The following PLAA variants were observed in gnomAD, a reference collection of about 807,000 sequenced individuals.
PLAA encodes the protein phospholipase A2 activating protein, also known as phospholipase A-2-activating protein.
PLAA carries 48 observed loss-of-function variants against 84.1 expected under a neutral mutation model. The ratio of observed to expected loss-of-function variants is 0.57; its 90% confidence interval spans 0.45 to 0.73. The LOEUF is 0.73. PLAA is among the 30% of genes least tolerant of loss of function. The pLI is 0.00. For missense variants in PLAA, 903 were observed against 954.7 expected (o/e 0.95, Z 0.71); for synonymous variants, 392 against 336.6 (o/e 1.16, Z -1.80).
In PLAA at chr9:26,926,417, T is replaced by C. The variant is rs748617566; in HGVS notation, c.709A>G (p.Ile237Val). The C allele has an allele frequency of 2.0e-5, 32 of 1,607,068 alleles. No individual in the cohort carries two copies. Among genetic ancestry groups the C allele is most frequent in the East Asian group, 1.3e-4 (6 of 44,768 alleles). Residue 237 changes from isoleucine to valine, a missense_variant, in exon 5 of 14, where the codon ATA (isoleucine) becomes GTA (valine). Transcript: ENST00000397292. ...CCTCTACAATTTGGAAAAACGGATA[T>C]GCTATAAATATAATTTGTATGTCCA... ...YYGHTNYIYS[I>V]SVFPNCRDFV...
intron 9 of PLAA, 38 bp from the exon 10 acceptor site, chr9:26,917,203 A>G: frequency 6.4e-7 from 1 of 1,561,832 alleles, no homozygotes. Flanking sequence ...GAAGTGCACC[A>G]AAGTTCTGAA....
chr9:26,935,265 A>T (rs1256010755), intron 1 of PLAA, 59 bp from the exon 2 acceptor site: 1 of 1,098,528 alleles, frequency 9.1e-7, no homozygotes, highest in Non-Finnish European at 1.3e-6. Flanking sequence ...CCTAGGACAT[A>T]AACTGTCAAA....
At chr9:26,927,295 G>A (rs776035792) in intron 4 of PLAA, among the ~76,000 whole-genome samples, 43 of 151,414 alleles carry the variant, frequency 2.8e-4, no homozygotes, top group Admixed American at 5.9e-4. Flanking sequence ...GAATTTTTTT[G>A]TATTTCTAAT....
In PLAA at chr9:26,905,962, A is replaced by C; in HGVS notation, c.1937T>G (p.Leu646Arg). The C allele has an allele frequency of 1.2e-6, 2 of 1,614,166 alleles. No individual in the cohort carries two copies. Residue 646 changes from leucine to arginine, a missense_variant, in exon 14 of 14, where the codon CTT becomes CGT. By Grantham distance (102) the Leu-to-Arg change is moderately radical. Coordinates refer to ENST00000397292, the MANE Select transcript of PLAA (RefSeq NM_001031689.3). Reference protein sequence around the residue: ...GAQFSSHLINLLNPKGKPANQ... With the variant: ...GAQFSSHLINRLNPKGKPANQ... ...TGCTGGCTTTCCTTTAGGGTTCAGA[A>C]GATTGATAAGATGACTGCTGAACTG...
chr9:26,942,739 G>A (rs1313262833), intron 1 of PLAA, among the ~76,000 whole-genome samples: 3 of 151,948 alleles, frequency 2.0e-5, no homozygotes, highest in East Asian at 1.9e-4. Flanking sequence ...AAAATTAGCC[G>A]GGCGCCGTGG....
At position 26,905,729 on chromosome 9, in the gene PLAA, G is replaced by T; in HGVS notation, c.2170C>A (p.Gln724Lys). 1 of 1,614,080 alleles carries T rather than the reference G, an allele frequency of 6.2e-7. No individual in the cohort carries two copies. Among genetic ancestry groups the T allele is most frequent in the East Asian group, 2.2e-5 (1 of 44,880 alleles). Residue 724 changes from glutamine (Q) to lysine (K), a missense_variant, in exon 14 of 14, where the codon CAA (glutamine) becomes AAA (lysine). By Grantham distance (53) the Gln-to-Lys change is moderately conservative. Transcript: ENST00000397292. The stretch of plus-strand genomic sequence containing the variant: ...ATTGTGCTAATTAGTGACAAACATT[G>T]GGCTTTCCCTTCAATGTTATGGTCT... ...HKDHNIEGKA[Q>K]CLSLISTILE...
At chr9:26,936,152 C>T (rs976275799) in intron 1 of PLAA, among the ~76,000 whole-genome samples, 7 of 151,998 alleles carry the variant, frequency 4.6e-5, no homozygotes, top group Admixed American at 4.6e-4. Context: ...ACTAAACAAA[C>T]TCATCTATTT....
intron 2 of PLAA, among the ~76,000 whole-genome samples, chr9:26,932,930 T>G (rs1006871124): frequency 5.3e-5 from 8 of 151,660 alleles, no homozygotes; most frequent in Non-Finnish European, 1.2e-4. Flanking sequence ...AGGTCAAGAG[T>G]TCGAGACCAG....
chr9:26,940,416 T>G (rs1344454256), intron 1 of PLAA, among the ~76,000 whole-genome samples: 1 of 152,244 alleles, frequency 6.6e-6, no homozygotes, highest in Admixed American at 6.5e-5. Context: ...AAATACTGTA[T>G]GATCCCACTT....
Position 26,906,617 on chromosome 9 carries a change from G to A in PLAA, c.1823-541C>T, listed in dbSNP as rs752349061. 5.9e-5 allele frequency among the ~76,000 whole-genome samples: 9 copies of A among 152,040 alleles called. 1 individual carries two copies. In the South Asian group the frequency reaches 8.3e-4, roughly 14 times the overall value. On this transcript the variant is annotated intron_variant, in intron 13 of 13. Coordinates refer to ENST00000397292, the MANE Select transcript of PLAA (RefSeq NM_001031689.3). ...TAATTTTTGTATTGTTAGTAGAGAC[G>A]AGGTTTCATCATATTGGTCAGGCTG...
Position 26,905,666 on chromosome 9 carries a change from G to A in PLAA, c.2233C>T (p.Leu745Phe). 1 of 1,614,174 alleles carries A rather than the reference G, an allele frequency of 6.2e-7. No individual in the cohort carries two copies. Among genetic ancestry groups the A allele is most frequent in the Non-Finnish European group, 8.5e-7 (1 of 1,180,004 alleles). The change falls in exon 14 of 14, where the codon CTT becomes TTT. Residue 745 changes from leucine (L) to phenylalanine (F), a missense_variant. Transcript: ENST00000397292. ...VVQDLEATFR[L>F]LVALGTLISD... The stretch of plus-strand genomic sequence containing the variant: ...ATAAGTGTTCCAAGAGCCACAAGAA[G>A]TCTAAAAGTGGCTTCTAGGTCTTGT...
At chr9:26,925,778 G>A (rs1824930661) in intron 6 of PLAA, 47 bp downstream of exon 6, 1 of 1,557,058 alleles carries the variant, frequency 6.4e-7, no homozygotes, top group African/African-American at 1.4e-5. Flanking sequence ...AGTTCCTACT[G>A]AAGGCCTAGA....
In PLAA at chr9:26,935,188, T is replaced by G. The variant is rs768371544; in HGVS notation, c.168A>C (p.Thr56=). The change falls in exon 2 of 14, where the codon ACA becomes ACC. Residue 56 remains threonine, a synonymous_variant. Transcript: ENST00000397292. Reference sequence around the variant, plus strand: ...AATGGCCACTCATACAGTGCATTTCTGTAAAGCTCCTGTTTGGACTGGAAA... The same window carrying G: ...AATGGCCACTCATACAGTGCATTTCGGTAAAGCTCCTGTTTGGACTGGAAA... ...WAPDSPNRSF[T]EMHCMSGHSN... The G allele has an allele frequency of 2.5e-6, 4 of 1,571,534 alleles. No individual in the cohort carries two copies. The African/African-American group carries it at 5.5e-5, about 22-fold the overall frequency.
Position 26,947,071 on chromosome 9 carries a change from G to A in PLAA, c.-26C>T. On this transcript the variant is annotated 5_prime_UTR_variant, in exon 1 of 14. Coordinates refer to ENST00000397292, the MANE Select transcript of PLAA (RefSeq NM_001031689.3). ...GGCCAGTGTCTGTCTGGCGCCCGGT[G>A]CCCAGGCACTGTGCGAGACCAGTCC... The A allele has an allele frequency of 6.5e-7, 1 of 1,549,342 alleles. No individual in the cohort carries two copies. Among genetic ancestry groups the A allele is most frequent in the Non-Finnish European group, 8.7e-7 (1 of 1,148,540 alleles).
intron 1 of PLAA, among the ~76,000 whole-genome samples, chr9:26,942,329 A>G (rs867367074): frequency 2.0e-5 from 3 of 152,224 alleles, no homozygotes; most frequent in Non-Finnish European, 4.4e-5. Context: ...AAATCCTAGG[A>G]TTAGTTGTGC....
chr9:26,939,484 C>CAA (rs58833364), intron 1 of PLAA, among the ~76,000 whole-genome samples: 21 of 76,900 alleles, frequency 2.7e-4, no homozygotes, highest in African/African-American at 5.8e-4. Flanking sequence ...GATGAGAGAC[C>CAA]AAAAAAAAAA....
chr9:26,921,816 T>TA (rs1199563197), intron 7 of PLAA, among the ~76,000 whole-genome samples: 1 of 152,190 alleles, frequency 6.6e-6, no homozygotes, highest in Non-Finnish European at 1.5e-5. Context: ...TATTCAATAT[T>TA]AAAAAATGGC....
At chr9:26,925,733 C>G in intron 6 of PLAA, 92 bp downstream of exon 6, 1 of 1,108,910 alleles carries the variant, frequency 9.0e-7, no homozygotes, top group East Asian at 2.4e-5. Flanking sequence ...CCTCAAGTCA[C>G]GTGAAATTCC....
At chr9:26,935,754 G>A (rs1020150509) in intron 1 of PLAA, among the ~76,000 whole-genome samples, 7 of 151,692 alleles carry the variant, frequency 4.6e-5, no homozygotes, top group South Asian at 2.1e-4. Context: ...CTTGAGCCAC[G>A]CATAAAATAT....
Sources: allele counts gnomAD v4.1 joint callset (sites outside exome capture counted in the v4.1 genomes callset), GRCh38; gene constraint gnomAD v4.1.1; transcripts MANE v1.5; gene names NCBI Gene and HGNC (gene_info 2026-07-23, HGNC 2026-07-21).